Variants in SLC9A9 observed in about 807,000 individuals in gnomAD.
SLC9A9 encodes sodium/hydrogen exchanger 9.
In SLC9A9, 62 loss-of-function variants were observed where a neutral mutation model predicts 77.8. That is an observed-to-expected ratio of 0.80 (90% CI 0.65 to 0.98). SLC9A9 has a LOEUF of 0.98. Ranked by LOEUF, SLC9A9 falls within the 50% of genes least tolerant of loss-of-function variation. SLC9A9 has a pLI of 0.00. For synonymous variants in SLC9A9, 320 were observed against 283.5 expected, an observed-to-expected ratio of 1.13 and a Z score of -1.29; for missense variants, 775 against 774.9, an observed-to-expected ratio of 1.00 and a Z score of 0.00.
intron 12 of SLC9A9, among the ~76,000 whole-genome samples, chr3:143,465,485 A>G (rs891276653): frequency 6.6e-6 from 1 of 152,252 alleles, no homozygotes; most frequent in African/African-American, 2.4e-5. Flanking sequence ...TGGGGTAGAA[A>G]AAGAAATAGT....
chr3:143,682,338 CT>C (rs1933129307), intron 5 of SLC9A9, among the ~76,000 whole-genome samples: 1 of 152,074 alleles, frequency 6.6e-6, no homozygotes, highest in South Asian at 2.1e-4. Context: ...TTAGTTTGCT[CT>C]TTTATAAAAC....
At chr3:143,401,925 T>TCAGAAG (rs1344714846) in intron 12 of SLC9A9, among the ~76,000 whole-genome samples, 10 of 152,342 alleles carry the variant, frequency 6.6e-5, no homozygotes, top group Admixed American at 2.0e-4. Context: ...CTCAGAAGTC[T>TCAGAAG]TTCTAGAAGC....
At chr3:143,491,607 G>A (rs563778812) in intron 11 of SLC9A9, among the ~76,000 whole-genome samples, 19 of 152,088 alleles carry the variant, frequency 1.2e-4, no homozygotes, top group South Asian at 4.1e-4. Flanking sequence ...CCTCTACCAG[G>A]TTTTAACGCA....
chr3:143,354,715 T>A (rs1408799006), intron 14 of SLC9A9, among the ~76,000 whole-genome samples: 5 of 152,254 alleles, frequency 3.3e-5, no homozygotes, highest in Non-Finnish European at 5.9e-5. Flanking sequence ...AATTCAATAC[T>A]GGCAGCATTA....
intron 1 of SLC9A9, 104 bp downstream of exon 1, chr3:143,848,044 A>G (rs2009866080): frequency 1.8e-6 from 2 of 1,137,890 alleles, no homozygotes; most frequent in South Asian, 2.5e-5. Context: ...TGACATTTCA[A>G]TCAGCACATT....
chr3:143,523,746 C>A (rs1273290971), intron 9 of SLC9A9, among the ~76,000 whole-genome samples: 2 of 152,032 alleles, frequency 1.3e-5, no homozygotes, highest in Non-Finnish European at 2.9e-5. Context: ...ATGTCCAGCC[C>A]ATAGGGATTC....
intron 11 of SLC9A9, among the ~76,000 whole-genome samples, chr3:143,479,415 T>C (rs2108579295): frequency 6.7e-6 from 1 of 148,978 alleles, no homozygotes. Context: ...CCCTGCCTAA[T>C]TAAAAAAAAA....
intron 2 of SLC9A9, 66 bp from the exon 3 acceptor site, chr3:143,796,969 C>CA: frequency 7.7e-7 from 1 of 1,297,028 alleles, no homozygotes; most frequent in South Asian, 1.2e-5. Context: ...AAACATGTTT[C>CA]AAAAAACAGT....
chr3:143,554,694 C>T (rs2036949170), intron 8 of SLC9A9, among the ~76,000 whole-genome samples: 1 of 152,166 alleles, frequency 6.6e-6, no homozygotes, highest in South Asian at 2.1e-4. Context: ...CTTCCTGCCC[C>T]TTCCCCACTC....
At chr3:143,314,947 G>C (rs1293969142) in intron 14 of SLC9A9, among the ~76,000 whole-genome samples, 1 of 152,238 alleles carries the variant, frequency 6.6e-6, no homozygotes, top group Non-Finnish European at 1.5e-5. Context: ...CTGCTGGACA[G>C]TGCTCTATCT....
At position 143,544,312 on chromosome 3, in the gene SLC9A9, C is replaced by T. The variant is rs566578996; in HGVS notation, c.1089+8050G>A. 3.3e-5 allele frequency among the ~76,000 whole-genome samples: 5 copies of T among 152,110 alleles called. No individual in the cohort carries two copies. In the East Asian group the frequency reaches 7.7e-4, roughly 24 times the overall value. ...TGCGATCTCGGTTCACTGCAAGCTC[C>T]GCCTCCTGGGTTCATGCCATTCTCC... On this transcript the variant is annotated intron_variant, in intron 9 of 15. Coordinates refer to ENST00000316549, the MANE Select transcript of SLC9A9 (RefSeq NM_173653.4).
At chr3:143,694,993 A>G (rs1933588086) in intron 4 of SLC9A9, among the ~76,000 whole-genome samples, 1 of 152,216 alleles carries the variant, frequency 6.6e-6, no homozygotes, top group South Asian at 2.1e-4. Context: ...GGTATTAAAT[A>G]TCTGAGAAAG....
chr3:143,389,169 G>A (rs1437311478), intron 12 of SLC9A9, among the ~76,000 whole-genome samples: 2 of 152,116 alleles, frequency 1.3e-5, no homozygotes, highest in East Asian at 3.9e-4. Context: ...GCAGTAGGGG[G>A]TGAAATAATT....
intron 6 of SLC9A9, among the ~76,000 whole-genome samples, chr3:143,621,484 T>C (rs948219064): frequency 6.6e-6 from 1 of 152,226 alleles, no homozygotes; most frequent in Non-Finnish European, 1.5e-5. Flanking sequence ...CAGCCTCCGC[T>C]GCTGATACCC....
intron 12 of SLC9A9, among the ~76,000 whole-genome samples, chr3:143,420,719 C>T (rs2034282869): frequency 6.6e-6 from 1 of 152,140 alleles, no homozygotes. Flanking sequence ...TTAAATATCA[C>T]AGTTGCCCTG....
chr3:143,769,927 T>A (rs527408516), intron 4 of SLC9A9, among the ~76,000 whole-genome samples: 1 of 152,334 alleles, frequency 6.6e-6, no homozygotes, highest in African/African-American at 2.4e-5. Flanking sequence ...TTTTCTCTTA[T>A]TCAAGAGACG....
At chr3:143,546,065 C>T (rs1306676067) in intron 9 of SLC9A9, among the ~76,000 whole-genome samples, 1 of 152,194 alleles carries the variant, frequency 6.6e-6, no homozygotes, top group Non-Finnish European at 1.5e-5. Flanking sequence ...TTATCTGAGG[C>T]CCTACCATGA....
intron 13 of SLC9A9, among the ~76,000 whole-genome samples, chr3:143,377,441 T>G (rs2033204511): frequency 6.6e-6 from 1 of 152,222 alleles, no homozygotes; most frequent in Non-Finnish European, 1.5e-5. Context: ...AGCAGGTCCC[T>G]CTGTCAGTTA....
chr3:143,761,813 C>G (rs867040561), intron 4 of SLC9A9, among the ~76,000 whole-genome samples: 1 of 152,158 alleles, frequency 6.6e-6, no homozygotes, highest in Non-Finnish European at 1.5e-5. Context: ...ACCAGAAATA[C>G]CATTTGATCC....
Sources: gnomAD v4.1 joint callset for allele counts (sites outside exome capture counted in the v4.1 genomes callset) on GRCh38, gnomAD v4.1.1 for gene constraint, MANE v1.5 for transcripts, NCBI Gene and HGNC (gene_info 2026-07-23, HGNC 2026-07-21) for gene names.